The following ERC2 variants were observed in gnomAD, a reference collection of about 807,000 sequenced individuals.
ERC2 encodes ERC protein 2.
Under a neutral mutation model 114.8 loss-of-function variants are expected in ERC2, and 42 were observed. The observed-to-expected ratio is 0.37, with a 90% confidence interval of 0.29 to 0.47. ERC2 has a LOEUF of 0.47. Ranked by LOEUF, ERC2 falls within the 20% of genes least tolerant of loss-of-function variation. The pLI, the probability that ERC2 is intolerant of heterozygous loss-of-function variation, is 0.99. For synonymous variants in ERC2, 454 were observed against 425.5 expected, an observed-to-expected ratio of 1.07 and a Z score of -0.82; for missense variants, 939 against 1,150.7, an observed-to-expected ratio of 0.82 and a Z score of 2.66.
At chr3:55,711,973 C>T (rs533623143) in intron 15 of ERC2, among the ~76,000 whole-genome samples, 2 of 152,346 alleles carry the variant, frequency 1.3e-5, no homozygotes, top group South Asian at 4.1e-4. Flanking sequence ...TTTCTCTATG[C>T]TGTGCTAACA....
chr3:56,085,021 C>T (rs2077431925), intron 6 of ERC2, among the ~76,000 whole-genome samples: 1 of 152,106 alleles, frequency 6.6e-6, no homozygotes, highest in South Asian at 2.1e-4. Flanking sequence ...ACTCTCATTT[C>T]CCCTCCCCAG....
chr3:56,395,141 T>C (rs1342781665), intron 2 of ERC2, among the ~76,000 whole-genome samples: 1 of 152,034 alleles, frequency 6.6e-6, no homozygotes, highest in Non-Finnish European at 1.5e-5. Context: ...CTGGGAGAAA[T>C]AGAGAATGAC....
At chr3:55,570,719 C>T (rs758980658) in intron 17 of ERC2, among the ~76,000 whole-genome samples, 5 of 152,188 alleles carry the variant, frequency 3.3e-5, no homozygotes, top group Non-Finnish European at 7.3e-5. Context: ...CCCTTTCCTT[C>T]CCCAACTTCT....
intron 4 of ERC2, among the ~76,000 whole-genome samples, chr3:56,151,191 C>T (rs960691781): frequency 2.0e-5 from 3 of 152,112 alleles, no homozygotes; most frequent in Non-Finnish European, 2.9e-5. Flanking sequence ...CTCAGCCTCC[C>T]GAGTAGCTGG....
intron 17 of ERC2, among the ~76,000 whole-genome samples, chr3:55,522,669 C>T (rs2053040796): frequency 6.6e-6 from 1 of 152,170 alleles, no homozygotes; most frequent in Non-Finnish European, 1.5e-5. Flanking sequence ...AATCCCATGC[C>T]AAAGCCTGCC....
At chr3:56,173,370 G>A in intron 4 of ERC2, 76 bp downstream of exon 4, 1 of 1,363,304 alleles carries the variant, frequency 7.3e-7, no homozygotes, top group Non-Finnish European at 1.0e-6. Context: ...TTCATTTCAT[G>A]TTTATATTAG....
chr3:55,704,395 A>G (rs1026651764), intron 15 of ERC2, among the ~76,000 whole-genome samples: 2 of 152,212 alleles, frequency 1.3e-5, no homozygotes, highest in South Asian at 2.1e-4. Flanking sequence ...AAAAAATATA[A>G]TAAGATCTGT....
intron 17 of ERC2, among the ~76,000 whole-genome samples, chr3:55,524,055 T>C (rs2053142590): frequency 1.3e-5 from 2 of 152,330 alleles, no homozygotes; most frequent in South Asian, 4.1e-4. Flanking sequence ...GTGAAGATAG[T>C]AACTCTAACC....
At chr3:56,153,875 T>C (rs1314655971) in intron 4 of ERC2, among the ~76,000 whole-genome samples, 1 of 152,178 alleles carries the variant, frequency 6.6e-6, no homozygotes, top group East Asian at 1.9e-4. Flanking sequence ...CATAAGCAGT[T>C]TTTACAGAGC....
At chr3:55,993,870 C>A (rs1472300875) in intron 10 of ERC2, among the ~76,000 whole-genome samples, 1 of 151,952 alleles carries the variant, frequency 6.6e-6, no homozygotes, top group Non-Finnish European at 1.5e-5. Context: ...AGCTAACATA[C>A]CTTTAGGAGT....
At chr3:56,152,440 A>G (rs2081469130) in intron 4 of ERC2, among the ~76,000 whole-genome samples, 1 of 151,932 alleles carries the variant, frequency 6.6e-6, no homozygotes, top group African/African-American at 2.4e-5. Flanking sequence ...CTAAATATCT[A>G]GATCAGCCTG....
intron 2 of ERC2, among the ~76,000 whole-genome samples, chr3:56,348,314 C>T (rs1239760038): frequency 1.3e-5 from 2 of 150,314 alleles, no homozygotes; most frequent in African/African-American, 2.5e-5. Context: ...GGGCCAGGCA[C>T]AAGAATTCTG....
At chr3:56,418,862 C>G (rs1183573208) in intron 2 of ERC2, among the ~76,000 whole-genome samples, 1 of 152,184 alleles carries the variant, frequency 6.6e-6, no homozygotes, top group Admixed American at 6.5e-5. Context: ...TAGGAGGATA[C>G]TGTGCCCACT....
intron 17 of ERC2, among the ~76,000 whole-genome samples, chr3:55,598,019 G>T (rs548969778): frequency 6.6e-6 from 1 of 152,220 alleles, no homozygotes; most frequent in Non-Finnish European, 1.5e-5. Flanking sequence ...GCTAACGACA[G>T]AGCCTGATTT....
intron 7 of ERC2, among the ~76,000 whole-genome samples, chr3:56,075,564 A>C (rs1419121499): frequency 6.6e-6 from 1 of 152,160 alleles, no homozygotes; most frequent in African/African-American, 2.4e-5. Flanking sequence ...TCCTTCTGGT[A>C]ACGTGCCATA....
At chr3:55,980,789 T>G (rs1019119859) in intron 12 of ERC2, among the ~76,000 whole-genome samples, 1 of 152,124 alleles carries the variant, frequency 6.6e-6, no homozygotes, top group Non-Finnish European at 1.5e-5. Context: ...TCTTACCGAC[T>G]TGGTATCTCT....
chr3:56,208,537 C>T (rs1323472845), intron 3 of ERC2, among the ~76,000 whole-genome samples: 2 of 152,198 alleles, frequency 1.3e-5, no homozygotes, highest in African/African-American at 4.8e-5. Flanking sequence ...ACAGCAAACA[C>T]AAGGCCAAGA....
intron 14 of ERC2, among the ~76,000 whole-genome samples, chr3:55,877,954 G>A (rs141184258): frequency 1.3e-3 from 205 of 152,188 alleles, no homozygotes; most frequent in African/African-American, 4.9e-3. Flanking sequence ...CTTTCAATAT[G>A]TTGCTGCTCT....
intron 17 of ERC2, among the ~76,000 whole-genome samples, chr3:55,627,763 G>C (rs1282498883): frequency 6.6e-6 from 1 of 152,006 alleles, no homozygotes; most frequent in Non-Finnish European, 1.5e-5. Context: ...GACAGAAGCA[G>C]GACTGAAATC....
Sources: allele counts gnomAD v4.1 joint callset (sites outside exome capture counted in the v4.1 genomes callset), GRCh38; gene constraint gnomAD v4.1.1; transcripts MANE v1.5; gene names NCBI Gene and HGNC (gene_info 2026-07-23, HGNC 2026-07-21).